IQUB: variants seen among roughly 807,000 people sequenced by gnomAD.
The protein encoded by IQUB is IQ motif and ubiquitin-like domain-containing protein.
In IQUB, 86 loss-of-function variants were observed where a neutral mutation model predicts 86.4. That is an observed-to-expected ratio of 1.00 (90% CI 0.84 to 1.19). The LOEUF is 1.19. Ranked by LOEUF, IQUB falls within the 50% of genes most tolerant of loss-of-function variation. The pLI is 0.00. For missense variants in IQUB, 946 were observed against 916.9 expected (o/e 1.03, Z -0.41); for synonymous variants, 289 against 304.5 (o/e 0.95, Z 0.53).
chr7:123,464,999 C>T lies in IQUB; in HGVS notation c.1592G>A (p.Cys531Tyr). The T allele has an allele frequency of 6.3e-7, 1 of 1,577,484 alleles. No individual in the cohort carries two copies. The highest frequency in any genetic ancestry group is 8.6e-7 in the Non-Finnish European group (1 of 1,161,526). The change falls in exon 10 of 13, where the codon TGT becomes TAT. Residue 531 changes from cysteine (C) to tyrosine (Y), a missense_variant. By Grantham distance (194) the Cys-to-Tyr change is radical (BLOSUM62 -2). Transcript: ENST00000324698. ...TTCTAGAATTTCCTGAGTTAGTTTA[C>T]ATTCATGTTCCTATATAAAACACAA... is the stretch of plus-strand genomic sequence containing the variant. ...TLKHTVKEHE[C>Y]KLTQEILELI...
chr7:123,505,251 G>A (rs938364653), intron 3 of IQUB, among the ~76,000 whole-genome samples: 2 of 152,202 alleles, frequency 1.3e-5, no homozygotes, highest in Non-Finnish European at 2.9e-5. Context: ...CTGCGGCTTT[G>A]CCAGGTGCAC....
chr7:123,525,626 A>G (rs930927366), intron 1 of IQUB, among the ~76,000 whole-genome samples: 4 of 151,754 alleles, frequency 2.6e-5, no homozygotes, highest in Non-Finnish European at 5.9e-5. Context: ...CGGTCTATCA[A>G]TTTTGTTCAT....
At chr7:123,530,506 A>G (rs1434835803) in intron 1 of IQUB, among the ~76,000 whole-genome samples, 1 of 152,100 alleles carries the variant, frequency 6.6e-6, no homozygotes, top group Non-Finnish European at 1.5e-5. Context: ...AACTCAAAAA[A>G]TAAAAAAATT....
rs199749679 is a variant in IQUB, at chr7:123,469,332, T to C, written c.1463A>G (p.Asp488Gly). 9.3e-6 allele frequency: 15 copies of C among 1,608,108 alleles called. No individual in the cohort carries two copies. The East Asian group carries it at 2.7e-4, about 29-fold the overall frequency. ...RTPNGKTIEM[D>G]TQFTIRAREL... is the part of the protein sequence containing the mutation. ...TCTGGCTCTGATGGTGAACTGCGTATCCATCTCAATTGTTTTGCCATTAGG... is the reference window on the plus strand; with the variant it reads ...TCTGGCTCTGATGGTGAACTGCGTACCCATCTCAATTGTTTTGCCATTAGG... Residue 488 changes from aspartate (D) to glycine (G), a missense_variant, in exon 9 of 13, where the codon GAT (aspartate) becomes GGT (glycine). By Grantham distance (94) the Asp-to-Gly change is moderately conservative. Transcript: ENST00000324698.
chr7:123,526,560 C>T (rs1326284258), intron 1 of IQUB, among the ~76,000 whole-genome samples: 1 of 151,522 alleles, frequency 6.6e-6, no homozygotes, highest in Non-Finnish European at 1.5e-5. Flanking sequence ...GGTAGATCTT[C>T]CTCCATCCTT....
chr7:123,512,900 C>A (rs144555024), intron 1 of IQUB, among the ~76,000 whole-genome samples: 1 of 152,160 alleles, frequency 6.6e-6, no homozygotes, highest in Non-Finnish European at 1.5e-5. Context: ...ATAGCAACCA[C>A]GAGCTTGGGT....
At chr7:123,479,376 A>T (rs1391133285) in intron 8 of IQUB, among the ~76,000 whole-genome samples, 5 of 152,094 alleles carry the variant, frequency 3.3e-5, no homozygotes, top group African/African-American at 7.2e-5. Flanking sequence ...CAAAGCAAAA[A>T]TACTAGTCTA....
chr7:123,524,392 T>C (rs1797076836), intron 1 of IQUB, among the ~76,000 whole-genome samples: 1 of 150,772 alleles, frequency 6.6e-6, no homozygotes. Flanking sequence ...AGCAGTGGTT[T>C]GTAGTTTTCC....
Position 123,486,823 on chromosome 7 carries a change from T to G in IQUB, c.1235-6853A>C, listed in dbSNP as rs545261939. Among the ~76,000 whole-genome samples the G allele has an allele frequency of 1.1e-4, 16 of 152,180 alleles. No homozygotes were observed. In the South Asian group the frequency reaches 3.3e-3, roughly 32 times the overall value. ...CTATCAGGACTCCTGGGCTTTGGAG[T>G]AGTCCTTAGGATATTTCAAAGGACC... is the stretch of plus-strand genomic sequence containing the variant. On this transcript the variant is annotated intron_variant, in intron 7 of 12. Transcript: ENST00000324698.
At chr7:123,521,683 G>C (rs113803552) in intron 1 of IQUB, among the ~76,000 whole-genome samples, 1,262 of 66,882 alleles carry the variant, frequency 0.019, 23 homozygotes, top group African/African-American at 0.061. Flanking sequence ...CACACACACA[G>C]AGATCACAGT....
At chr7:123,453,415 A>T (rs1460661244) in intron 12 of IQUB, among the ~76,000 whole-genome samples, 3 of 148,978 alleles carry the variant, frequency 2.0e-5, no homozygotes, top group Non-Finnish European at 4.5e-5. Context: ...AGATTATTTA[A>T]TTATACACAA....
rs948199076 is a variant in IQUB at position 123,479,783 on chromosome 7, C to A, written c.1410+12G>T. 1.3e-6 allele frequency: 2 copies of A among 1,591,378 alleles called. No individual in the cohort carries two copies. The highest frequency in any genetic ancestry group is 1.7e-4 in the Middle Eastern group (1 of 5,978). On this transcript the variant is annotated intron_variant, in intron 8 of 12. Coordinates refer to ENST00000324698, the MANE Select transcript of IQUB (RefSeq NM_178827.5). ...AATACATTCATATTTAAATAGTAGT[C>A]ACTTCACTAACCTTATCCAAAAAAG...
At chr7:123,476,070 T>A (rs1182082853) in intron 8 of IQUB, among the ~76,000 whole-genome samples, 1 of 152,180 alleles carries the variant, frequency 6.6e-6, no homozygotes, top group Non-Finnish European at 1.5e-5. Flanking sequence ...CCTACCTTCT[T>A]CCACAAACAT....
At chr7:123,525,327 G>C (rs1465083515) in intron 1 of IQUB, among the ~76,000 whole-genome samples, 1 of 152,044 alleles carries the variant, frequency 6.6e-6, no homozygotes, top group Non-Finnish European at 1.5e-5. Flanking sequence ...AATCCATCTG[G>C]TCCTGGACTC....
intron 7 of IQUB, among the ~76,000 whole-genome samples, chr7:123,481,805 A>G (rs183289380): frequency 2.2e-3 from 331 of 152,288 alleles, no homozygotes; most frequent in African/African-American, 7.1e-3. Context: ...AGTAACAACT[A>G]TGAGTTTATG....
At position 123,530,848 on chromosome 7, in the gene IQUB, T is replaced by C. The variant is rs564031146; in HGVS notation, c.-5+3644A>G. ...CCCCCCACCATGCCTGGCCAATTTTTGTATTTTTAGCAGAGACGGGGTTTC... is the reference window on the plus strand; with the variant it reads ...CCCCCCACCATGCCTGGCCAATTTTCGTATTTTTAGCAGAGACGGGGTTTC... On this transcript the variant is annotated intron_variant, in intron 1 of 12. Coordinates refer to ENST00000324698, the MANE Select transcript of IQUB (RefSeq NM_178827.5). Among the ~76,000 whole-genome samples the C allele has an allele frequency of 1.9e-3, 284 of 152,158 alleles. 2 individuals are homozygous for C. Among genetic ancestry groups the C allele is most frequent in the African/African-American group, 6.5e-3 (271 of 41,514 alleles).
rs1009540472 is a variant in IQUB, at chr7:123,472,142, G to T, written c.1411-2758C>A. Among the ~76,000 whole-genome samples, 3 of 151,902 alleles carry T rather than the reference G, an allele frequency of 2.0e-5. No individual in the cohort carries two copies. The East Asian group carries it at 5.8e-4, about 30-fold the overall frequency. Reference sequence around the variant, plus strand: ...AATCCCAGCTACTTGTGAGGCTGAGGCAGGAGAATTGCTTCAACCCAGGAG... The same window carrying T: ...AATCCCAGCTACTTGTGAGGCTGAGTCAGGAGAATTGCTTCAACCCAGGAG... On this transcript the variant is annotated intron_variant, in intron 8 of 12. Coordinates refer to ENST00000324698, the MANE Select transcript of IQUB (RefSeq NM_178827.5).
intron 6 of IQUB, among the ~76,000 whole-genome samples, chr7:123,497,310 T>G (rs1795749382): frequency 6.6e-6 from 1 of 152,166 alleles, no homozygotes; most frequent in Non-Finnish European, 1.5e-5. Context: ...GCCTGGTACA[T>G]CATGAGTCCT....
At chr7:123,525,184 C>T (rs1398798924) in intron 1 of IQUB, among the ~76,000 whole-genome samples, 10 of 152,124 alleles carry the variant, frequency 6.6e-5, no homozygotes, top group Middle Eastern at 3.4e-3. Flanking sequence ...TGTCTCTGCC[C>T]AGCTTTGGTA....
Sources: allele counts gnomAD v4.1 joint callset (sites outside exome capture counted in the v4.1 genomes callset), GRCh38; gene constraint gnomAD v4.1.1; transcripts MANE v1.5; gene names NCBI Gene and HGNC (gene_info 2026-07-23, HGNC 2026-07-21).